Variants in TM7SF3 observed in about 807,000 individuals in gnomAD.
The protein encoded by TM7SF3 is seven span transmembrane protein.
Under a neutral mutation model 65.5 loss-of-function variants are expected in TM7SF3, and 60 were observed. The observed-to-expected ratio is 0.92, with a 90% CI of 0.74 to 1.14. The LOEUF (loss-of-function observed/expected upper bound fraction) is 1.14. TM7SF3 is among the 50% of genes most tolerant of loss of function. The pLI is 0.00. For synonymous variants in TM7SF3, 264 were observed against 259.6 expected, an observed-to-expected ratio of 1.02 and a Z score of -0.16; for missense variants, 623 against 684.8, an observed-to-expected ratio of 0.91 and a Z score of 1.01.
chr12:27,014,315 G>C lies in TM7SF3; in HGVS notation c.-147C>G. On this transcript the variant is annotated 5_prime_UTR_variant, in exon 1 of 12. Coordinates refer to ENST00000343028, the MANE Select transcript of TM7SF3 (RefSeq NM_016551.3). ...AGGTGCAGACGCTTCGCACCTGCCA[G>C]CTCCGCAGCCGCCGGCGCGCGCCCC... 2.0e-6 allele frequency: 1 copy of C among 496,954 alleles called. No homozygotes were observed. Among genetic ancestry groups the C allele is most frequent in the Non-Finnish European group, 3.2e-6 (1 of 314,264 alleles). The allele number at this position is 496,954 out of a possible 1,614,324, so 30.8% of individuals were successfully genotyped here.
rs1213626562 is a variant in TM7SF3, at chr12:26,983,001, AAT to A, written c.869-144_869-143del. The A allele has an allele frequency of 1.7e-5, 10 of 594,872 alleles. No homozygotes were observed. In the African/African-American group the frequency reaches 1.9e-4, roughly 11 times the overall value. 36.8% of individuals were successfully genotyped at this position (594,872 alleles called of 1,614,324 possible). On this transcript the variant is annotated intron_variant, in intron 6 of 11. Transcript: ENST00000343028. ...ATGTATATTACAAATTTATCTTTAA[AAT>A]ACTCTTGCCACCCCTAATGAATGAA...
chr12:26,975,782 C>A, intron 10 of TM7SF3, 124 bp from the exon 11 acceptor site: 1 of 1,016,750 alleles, frequency 9.8e-7, no homozygotes, highest in Middle Eastern at 2.5e-4. Flanking sequence ...GGACCAGACC[C>A]ACTCAGAGCT....
At position 26,995,406 on chromosome 12, in the gene TM7SF3, C is replaced by T. The variant is rs779993448; in HGVS notation, c.521G>A (p.Gly174Asp). The part of the protein sequence containing the change: ...FAPANLGYAR[G>D]VDPPPCDAGT... Reference sequence around the variant, plus strand: ...AGCGTCACATGGTGGGGGATCTACGCCTCTAAAGTCAACCAACAAAATGAA... The same window carrying T: ...AGCGTCACATGGTGGGGGATCTACGTCTCTAAAGTCAACCAACAAAATGAA... The change falls in exon 5 of 12, where the codon GGC (glycine) becomes GAC (aspartate). Residue 174 changes from glycine to aspartate, a missense_variant and splice_region_variant. By Grantham distance (94) the Gly-to-Asp change is moderately conservative. Transcript: ENST00000343028. The T allele has an allele frequency of 6.2e-7, 1 of 1,614,134 alleles. No individual in the cohort carries two copies. The highest frequency in any genetic ancestry group is 1.7e-5 in the Admixed American group (1 of 60,006).
At chr12:27,011,954 T>C (rs1173713104) in intron 1 of TM7SF3, among the ~76,000 whole-genome samples, 2 of 152,178 alleles carry the variant, frequency 1.3e-5, no homozygotes, top group Admixed American at 1.3e-4. Context: ...AAAGAAAAAG[T>C]TCTGGACGCC....
At chr12:26,988,827 C>A (rs1010637293) in intron 6 of TM7SF3, among the ~76,000 whole-genome samples, 1 of 151,876 alleles carries the variant, frequency 6.6e-6, no homozygotes, top group African/African-American at 2.4e-5. Context: ...CCTCTCCTAC[C>A]TCCCCTTCCA....
intron 1 of TM7SF3, among the ~76,000 whole-genome samples, chr12:27,007,400 G>A (rs971198538): frequency 2.0e-5 from 3 of 152,046 alleles, no homozygotes; most frequent in African/African-American, 7.2e-5. Context: ...TATTTTAAGT[G>A]ATTTTTTTTC....
intron 1 of TM7SF3, chr12:27,012,878 A>G (rs1185155943): frequency 1.1e-5 from 4 of 370,296 alleles, no homozygotes; most frequent in African/African-American, 2.1e-5. Flanking sequence ...GGCGCCTGTA[A>G]TCCCAGCTAC....
Position 26,971,927 on chromosome 12 carries a change from T to TA in TM7SF3, c.*2037dup, listed in dbSNP as rs1489314071. The TA allele has an allele frequency of 5.9e-5, 9 of 152,234 alleles. No individual in the cohort carries two copies. The highest frequency in any genetic ancestry group is 1.3e-4 in the Admixed American group (2 of 15,286). 9.4% of individuals were successfully genotyped at this position (152,234 alleles called of 1,614,324 possible). A position where few individuals can be genotyped will look rare whatever the true frequency, so the allele number is the denominator to read the frequency against. On this transcript the variant is annotated 3_prime_UTR_variant, in exon 12 of 12. Coordinates refer to ENST00000343028, the MANE Select transcript of TM7SF3 (RefSeq NM_016551.3). ...GTTGTTTTATCCTGCCCCAAACACT[T>TA]AAAGCAAAAGTTAAATATTTTTCCA...
rs752468130 is a variant in TM7SF3, at chr12:26,980,699, T to C, written c.956-53A>G. The C allele has an allele frequency of 5.8e-5, 52 of 890,742 alleles. 1 individual carries two copies. The highest frequency in any genetic ancestry group is 8.5e-5 in the Non-Finnish European group (47 of 555,932). 55.2% of individuals were successfully genotyped at this position (890,742 alleles called of 1,614,324 possible). On this transcript the variant is annotated intron_variant, in intron 7 of 11. Transcript: ENST00000343028. Reference sequence around the variant, plus strand: ...AAAAGCAAAACAACAAAAGCTATGGTTAAGCACCCTTTTTACAGTGCAATT... The same window carrying C: ...AAAAGCAAAACAACAAAAGCTATGGCTAAGCACCCTTTTTACAGTGCAATT...
At position 26,975,984 on chromosome 12, in the gene TM7SF3, G is replaced by A. The variant is rs192121079; in HGVS notation, c.1287+276C>T. Reference sequence around the variant, plus strand: ...GAAACTAATGACCCATCAGGTTGGTGTACTAGAGTAAGCACTACCTTCTCT... The same window carrying A: ...GAAACTAATGACCCATCAGGTTGGTATACTAGAGTAAGCACTACCTTCTCT... On this transcript the variant is annotated intron_variant, in intron 10 of 11. Coordinates refer to ENST00000343028, the MANE Select transcript of TM7SF3 (RefSeq NM_016551.3). 6.6e-5 allele frequency among the ~76,000 whole-genome samples: 10 copies of A among 152,298 alleles called. No homozygotes were observed. The East Asian group carries it at 1.9e-3, about 29-fold the overall frequency.
rs780233295 is a variant in TM7SF3, at chr12:26,974,192, C to A, written c.1486G>T (p.Val496Leu). 8.7e-6 allele frequency: 14 copies of A among 1,614,092 alleles called. No homozygotes were observed. Among genetic ancestry groups the A allele is most frequent in the Non-Finnish European group, 1.1e-5 (13 of 1,180,038 alleles). ...IILAVWGMLA[V>L]SGITLQIRRE... ...CGAATCTGTAACGTAATTCCACTTA[C>A]AGCCAGCATGCCCCATACTGCCAGG... The change falls in exon 12 of 12, where the codon GTA (valine) becomes TTA (leucine). Residue 496 changes from valine (V) to leucine (L), a missense_variant. Transcript: ENST00000343028.
chr12:26,994,659 G>A (rs1210266200), intron 5 of TM7SF3, among the ~76,000 whole-genome samples: 2 of 152,214 alleles, frequency 1.3e-5, no homozygotes, highest in Non-Finnish European at 2.9e-5. Context: ...AATCACCTGA[G>A]GGATATAAAA....
At chr12:27,006,140 CTTTTTT>C (rs71437315) in intron 1 of TM7SF3, among the ~76,000 whole-genome samples, 7 of 122,080 alleles carry the variant, frequency 5.7e-5, no homozygotes, top group African/African-American at 9.2e-5. Flanking sequence ...TTTTCTTTTT[CTTTTTT>C]TTTTTTTTTT....
intron 7 of TM7SF3, among the ~76,000 whole-genome samples, chr12:26,982,126 C>T (rs948721383): frequency 9.2e-5 from 14 of 152,066 alleles, no homozygotes; most frequent in Admixed American, 7.9e-4. Context: ...CTCTGCCTCC[C>T]GGGCTCAAGC....
intron 1 of TM7SF3, among the ~76,000 whole-genome samples, chr12:27,009,983 G>A (rs1328269654): frequency 1.3e-5 from 2 of 152,128 alleles, no homozygotes; most frequent in African/African-American, 4.8e-5. Context: ...TTGATTCCTG[G>A]CTGTGCAGGA....
intron 7 of TM7SF3, among the ~76,000 whole-genome samples, 155 bp from the exon 8 acceptor site, chr12:26,980,801 T>G (rs934200003): frequency 7.9e-5 from 12 of 152,068 alleles, no homozygotes; most frequent in African/African-American, 2.9e-4. Flanking sequence ...AAAAAAAATC[T>G]AAAAGGCAGA....
chr12:26,985,195 TC>T (rs2136394477), intron 6 of TM7SF3, among the ~76,000 whole-genome samples: 1 of 152,208 alleles, frequency 6.6e-6, no homozygotes, highest in South Asian at 2.1e-4. Context: ...CATACTTCAG[TC>T]CATCGGTTAA....
At chr12:26,994,940 T>C (rs1184306271) in intron 5 of TM7SF3, among the ~76,000 whole-genome samples, 3 of 152,202 alleles carry the variant, frequency 2.0e-5, no homozygotes, top group Non-Finnish European at 4.4e-5. Flanking sequence ...GTTTACCCAG[T>C]AGTCGTGGGA....
chr12:26,997,856 T>A (rs1940664040), intron 3 of TM7SF3, among the ~76,000 whole-genome samples: 1 of 147,030 alleles, frequency 6.8e-6, no homozygotes, highest in Non-Finnish European at 1.5e-5. Context: ...GACGGAGTCT[T>A]GCTCTATCAC....
Sources: allele counts gnomAD v4.1 joint callset (sites outside exome capture counted in the v4.1 genomes callset), GRCh38; gene constraint gnomAD v4.1.1; transcripts MANE v1.5; gene names NCBI Gene and HGNC (gene_info 2026-07-23, HGNC 2026-07-21).